Variants in FBXL17 observed in about 807,000 individuals in gnomAD.
FBXL17 encodes the protein F-box and leucine rich repeat protein 17, also known as F-box/LRR-repeat protein 17.
In FBXL17, 22 loss-of-function variants were observed where a neutral mutation model predicts 66.2. The ratio of observed to expected loss-of-function variants is 0.33; its 90% CI spans 0.24 to 0.47. FBXL17 has a LOEUF of 0.47. FBXL17 is among the 20% of genes least tolerant of loss of function. FBXL17 has a pLI of 1.00. For synonymous variants in FBXL17, 474 were observed against 400.5 expected (o/e 1.18, Z -2.19); for missense variants, 878 against 948.2 (o/e 0.93, Z 0.97).
At chr5:107,878,123 T>G (rs986628498) in intron 8 of FBXL17, 56 of 536,534 alleles carry the variant, frequency 1.0e-4, no homozygotes, top group Non-Finnish European at 1.2e-4. Flanking sequence ...GTTTTTCCAT[T>G]GCAAAGTGTG....
At chr5:108,224,009 G>A in intron 5 of FBXL17, 112 bp downstream of exon 5, 1 of 415,240 alleles carries the variant, frequency 2.4e-6, no homozygotes, top group Non-Finnish European at 4.4e-6. Context: ...TCAAACATTA[G>A]TAGGCTTCTA....
chr5:108,241,697 G>A (rs914444948), intron 4 of FBXL17, among the ~76,000 whole-genome samples: 130 of 152,144 alleles, frequency 8.5e-4, no homozygotes, highest in African/African-American at 3.1e-3. Flanking sequence ...AATGAACAAG[G>A]CATTTAATAA....
intron 6 of FBXL17, among the ~76,000 whole-genome samples, chr5:108,088,481 C>T (rs1286911195): frequency 6.6e-6 from 1 of 151,926 alleles, no homozygotes; most frequent in African/African-American, 2.4e-5. Flanking sequence ...TCGGGGGGAA[C>T]ATGAGGTCAG....
chr5:108,248,942 G>A (rs965358702), intron 4 of FBXL17, among the ~76,000 whole-genome samples: 9 of 152,048 alleles, frequency 5.9e-5, no homozygotes, highest in African/African-American at 1.4e-4. Context: ...GAGAAAGCTC[G>A]TGAAATGAAA....
chr5:108,001,752 G>T (rs1366157018), intron 7 of FBXL17, among the ~76,000 whole-genome samples: 1 of 151,860 alleles, frequency 6.6e-6, no homozygotes, highest in African/African-American at 2.4e-5. Context: ...CGCCCATCTG[G>T]GCCTCCCAAA....
At chr5:108,021,249 A>C (rs891268330) in intron 6 of FBXL17, among the ~76,000 whole-genome samples, 1 of 151,026 alleles carries the variant, frequency 6.6e-6, no homozygotes, top group Non-Finnish European at 1.5e-5. Context: ...CATAAGAGTA[A>C]TGTTACATTT....
chr5:108,378,582 T>C (rs1163327316), intron 1 of FBXL17, among the ~76,000 whole-genome samples: 1 of 152,070 alleles, frequency 6.6e-6, no homozygotes, highest in Non-Finnish European at 1.5e-5. Flanking sequence ...CTCCAGTCCT[T>C]ACCAGCAGAG....
intron 3 of FBXL17, 145 bp downstream of exon 3, chr5:108,364,593 C>T (rs1561555579): frequency 4.6e-6 from 3 of 646,142 alleles, no homozygotes; most frequent in Non-Finnish European, 5.3e-6. Context: ...GTTAACTAAT[C>T]TAAACAAATA....
chr5:108,250,615 CTA>C (rs1428663010), intron 4 of FBXL17, among the ~76,000 whole-genome samples: 2 of 152,074 alleles, frequency 1.3e-5, no homozygotes, highest in East Asian at 1.9e-4. Context: ...CTGACAAACT[CTA>C]GTGGCATTTA....
intron 7 of FBXL17, among the ~76,000 whole-genome samples, chr5:107,884,601 A>G (rs1213512726): frequency 5.9e-5 from 9 of 152,196 alleles, no homozygotes. Context: ...CTCTTTGACT[A>G]TATCATGTCC....
intron 6 of FBXL17, among the ~76,000 whole-genome samples, chr5:108,110,623 T>G (rs1030962926): frequency 2.6e-5 from 4 of 152,202 alleles, no homozygotes; most frequent in African/African-American, 9.6e-5. Context: ...TTTTCGATGC[T>G]GAGTAATGTA....
chr5:107,863,370 G>A (rs1391803441), intron 8 of FBXL17, among the ~76,000 whole-genome samples: 1 of 150,998 alleles, frequency 6.6e-6, no homozygotes, highest in Non-Finnish European at 1.5e-5. Context: ...TCTGGTCTTG[G>A]GATCTTTACA....
In FBXL17 at chr5:108,161,083, T is replaced by G. The variant is rs570465490; in HGVS notation, c.1745+25034A>C. Among the ~76,000 whole-genome samples, 4 of 152,106 alleles carry G rather than the reference T, an allele frequency of 2.6e-5. No homozygotes were observed. In the East Asian group the frequency reaches 7.7e-4, roughly 29 times the overall value. On this transcript the variant is annotated intron_variant, in intron 6 of 8. Coordinates refer to ENST00000542267, the MANE Select transcript of FBXL17 (RefSeq NM_001163315.3). ...GAATTTATTTTTCAACATCCAAGAT[T>G]ATGCATAAATGGTAGCCTGTTAAGA...
rs1309031885 is a variant in FBXL17 at position 107,969,098 on chromosome 5, T to C, written c.1822+51827A>G. On this transcript the variant is annotated intron_variant, in intron 7 of 8. Transcript: ENST00000542267. ...TCATCACTTATATATTGTTTATGGC[T>C]GCCTTCCCAGTGCAATGACACAGTG... Among the ~76,000 whole-genome samples, 7 of 152,286 alleles carry C rather than the reference T, an allele frequency of 4.6e-5. No homozygotes were observed. The East Asian group carries it at 9.7e-4, about 21-fold the overall frequency.
At chr5:107,986,845 T>G (rs1329511175) in intron 7 of FBXL17, among the ~76,000 whole-genome samples, 1 of 151,984 alleles carries the variant, frequency 6.6e-6, no homozygotes, top group African/African-American at 2.4e-5. Flanking sequence ...AGAATCAGAT[T>G]TGAGGGTGGA....
chr5:107,909,141 T>A (rs954863073), intron 7 of FBXL17, among the ~76,000 whole-genome samples: 6 of 152,162 alleles, frequency 3.9e-5, no homozygotes, highest in African/African-American at 1.4e-4. Flanking sequence ...ATACTGTGAA[T>A]CAATGTAGAT....
chr5:108,103,326 C>T lies in FBXL17; in HGVS notation c.1746-82325G>A, dbSNP rs115215305. On this transcript the variant is annotated intron_variant, in intron 6 of 8. Coordinates refer to ENST00000542267, the MANE Select transcript of FBXL17 (RefSeq NM_001163315.3). ...TGCAGCTTACGGTTTTAAGCTGCAG[C>T]CATTCTGCTTTCCAGTGGCATAAAG... Among the ~76,000 whole-genome samples, 665 of 152,292 alleles carry T rather than the reference C, an allele frequency of 4.4e-3. 3 individuals carry two copies. The highest frequency in any genetic ancestry group is 0.015 in the African/African-American group (644 of 41,558).
intron 6 of FBXL17, among the ~76,000 whole-genome samples, chr5:108,058,127 G>C (rs377069109): frequency 6.6e-6 from 1 of 152,144 alleles, no homozygotes; most frequent in Non-Finnish European, 1.5e-5. Context: ...GTGAACACTC[G>C]GTAGTAATGG....
intron 6 of FBXL17, among the ~76,000 whole-genome samples, chr5:108,088,010 G>A (rs6897064): frequency 0.35 from 52,915 of 151,938 alleles, 9,455 homozygotes; most frequent in Admixed American, 0.42. Flanking sequence ...TTTTATTAAA[G>A]GGGATTTCAT....
Sources: gnomAD v4.1 joint callset for allele counts (sites outside exome capture counted in the v4.1 genomes callset) on GRCh38, gnomAD v4.1.1 for gene constraint, MANE v1.5 for transcripts, NCBI Gene and HGNC (gene_info 2026-07-23, HGNC 2026-07-21) for gene names.